Variants in FUT8 observed in about 807,000 individuals in gnomAD.
FUT8 encodes fucosyltransferase 8.
A neutral mutation model predicts 71.3 loss-of-function variants in FUT8; 29 were observed. The observed-to-expected ratio is 0.41, with a 90% CI of 0.30 to 0.55. The LOEUF (loss-of-function observed/expected upper bound fraction) is 0.55. FUT8 is among the 20% of genes least tolerant of loss of function. The pLI is 0.34. For missense variants in FUT8, 544 were observed against 702.1 expected (o/e 0.77, Z 2.55); for synonymous variants, 254 against 239.3 (o/e 1.06, Z -0.57).
Position 65,634,076 on chromosome 14 carries a change from A to G in FUT8, c.597+4470A>G, listed in dbSNP as rs1369112757. ...GTCTGGGAGGTGTACCCAACAGCTCATTGAGAACGGGCCATGATGACAATG... is the reference window on the plus strand; with the variant it reads ...GTCTGGGAGGTGTACCCAACAGCTCGTTGAGAACGGGCCATGATGACAATG... On this transcript the variant is annotated intron_variant, in intron 6 of 10. Transcript: ENST00000673929. Among the ~76,000 whole-genome samples the G allele has an allele frequency of 1.4e-4, 22 of 152,328 alleles. No individual in the cohort carries two copies. In the East Asian group the frequency reaches 4.2e-3, roughly 29 times the overall value.
chr14:65,537,639 G>T (rs921570785), intron 2 of FUT8, among the ~76,000 whole-genome samples: 1 of 152,148 alleles, frequency 6.6e-6, no homozygotes, highest in African/African-American at 2.4e-5. Context: ...CACCCACCTT[G>T]GCCTCCCAAA....
At chr14:65,361,337 CAA>C in the FUT8 span, among the ~76,000 whole-genome samples, 1 of 121,336 alleles carries the variant, frequency 8.2e-6, no homozygotes. Context: ...GCCTGGGCAA[CAA>C]GAGCAAAACT....
intron 5 of FUT8, among the ~76,000 whole-genome samples, chr14:65,618,542 A>G (rs1371964392): frequency 6.6e-6 from 1 of 152,222 alleles, no homozygotes; most frequent in Non-Finnish European, 1.5e-5. Flanking sequence ...AAGCCAGATT[A>G]GAATGCAGTA....
At chr14:65,512,016 A>T (rs1196014677) in intron 2 of FUT8, among the ~76,000 whole-genome samples, 1 of 151,944 alleles carries the variant, frequency 6.6e-6, no homozygotes, top group Admixed American at 6.6e-5. Context: ...ACAGCCTACT[A>T]CCCACCTGGG....
chr14:65,689,769 C>A (rs1484500952), intron 7 of FUT8, among the ~76,000 whole-genome samples: 1 of 152,218 alleles, frequency 6.6e-6, no homozygotes, highest in African/African-American at 2.4e-5. Context: ...GAACTCCTGA[C>A]CTCGTGATCC....
At chr14:65,523,596 A>G (rs1370766173) in intron 2 of FUT8, among the ~76,000 whole-genome samples, 2 of 152,134 alleles carry the variant, frequency 1.3e-5, no homozygotes, top group African/African-American at 4.8e-5. Context: ...CCATTTGTCA[A>G]TTTTGGCTTT....
Position 65,693,380 on chromosome 14 carries a change from G to A in FUT8, c.835+23900G>A, listed in dbSNP as rs1477446998. ...AAACCAGTCAGGCGTGGCGGCGCGC[G>A]CCTGCAATCGCAGGCACTCGGCAGG... On this transcript the variant is annotated intron_variant, in intron 7 of 10. Transcript: ENST00000673929. Among the ~76,000 whole-genome samples the A allele has an allele frequency of 1.6e-4, 24 of 152,334 alleles. 1 individual carries two copies. Among genetic ancestry groups the A allele is most frequent in the Admixed American group, 1.0e-3 (16 of 15,312 alleles).
the FUT8 span, among the ~76,000 whole-genome samples, chr14:65,368,518 T>C: frequency 1.5e-5 from 2 of 130,712 alleles, no homozygotes; most frequent in Non-Finnish European, 3.3e-5. Flanking sequence ...TTTTTTGTTG[T>C]TGTTGTTGTT....
the FUT8 span, among the ~76,000 whole-genome samples, chr14:65,381,461 T>C: frequency 4.6e-5 from 7 of 152,308 alleles, no homozygotes; most frequent in South Asian, 2.1e-4. Flanking sequence ...TCTGACAACA[T>C]TTGTCCTTGA....
intron 1 of FUT8, among the ~76,000 whole-genome samples, chr14:65,446,818 T>G (rs11158597): frequency 0.83 from 124,752 of 150,590 alleles, 51,941 homozygotes; most frequent in East Asian, 1. Context: ...TAAAGATAGG[T>G]TCTTTCTCTG....
chr14:65,672,779 G>T (rs1017339671), intron 7 of FUT8, among the ~76,000 whole-genome samples: 6 of 152,064 alleles, frequency 3.9e-5, no homozygotes, highest in Non-Finnish European at 5.9e-5. Context: ...TTATAATTTG[G>T]TTTTTTAAAG....
At chr14:65,554,198 C>G (rs936786039) in intron 2 of FUT8, among the ~76,000 whole-genome samples, 2 of 151,844 alleles carry the variant, frequency 1.3e-5, no homozygotes, top group African/African-American at 4.8e-5. Flanking sequence ...TCTGATAATT[C>G]TGTTGAAGAT....
chr14:65,522,782 C>T (rs564979686), intron 2 of FUT8, among the ~76,000 whole-genome samples: 59 of 134,380 alleles, frequency 4.4e-4, no homozygotes, highest in African/African-American at 1.4e-3. Flanking sequence ...TCCAAGTGTT[C>T]GCATTGTTCG....
At chr14:65,530,842 CCT>C (rs1465637678) in intron 2 of FUT8, among the ~76,000 whole-genome samples, 3 of 150,308 alleles carry the variant, frequency 2.0e-5, no homozygotes, top group African/African-American at 4.9e-5. Context: ...CCTCCCTCCC[CCT>C]CTCTTCCTCT....
chr14:65,437,224 C>T (rs1401437917), intron 1 of FUT8, among the ~76,000 whole-genome samples: 1 of 152,074 alleles, frequency 6.6e-6, no homozygotes, highest in African/African-American at 2.4e-5. Context: ...ACTGATTAGC[C>T]ACAGCTTTTT....
intron 1 of FUT8, among the ~76,000 whole-genome samples, chr14:65,415,682 CTTT>C (rs59874921): frequency 7.1e-5 from 10 of 141,076 alleles, no homozygotes; most frequent in Admixed American, 1.4e-4. Flanking sequence ...GATATAATTC[CTTT>C]TTTTTTTTTT....
chr14:65,615,861 G>C, intron 3 of FUT8, 117 bp from the exon 4 acceptor site: 1 of 675,288 alleles, frequency 1.5e-6, no homozygotes, highest in Non-Finnish European at 2.5e-6. Context: ...TACTACTTTT[G>C]TGCTATATGG....
chr14:65,435,390 T>G (rs1450431250), intron 1 of FUT8, among the ~76,000 whole-genome samples: 1 of 152,228 alleles, frequency 6.6e-6, no homozygotes, highest in Non-Finnish European at 1.5e-5. Flanking sequence ...TCAGCCTCTT[T>G]TACTTAGAAA....
intron 7 of FUT8, among the ~76,000 whole-genome samples, chr14:65,713,921 G>T (rs912614741): frequency 6.6e-6 from 1 of 152,156 alleles, no homozygotes; most frequent in African/African-American, 2.4e-5. Flanking sequence ...TGTTTATGTG[G>T]TATTACTCAA....
Sources: gnomAD v4.1 joint callset for allele counts (sites outside exome capture counted in the v4.1 genomes callset) on GRCh38, gnomAD v4.1.1 for gene constraint, MANE v1.5 for transcripts, NCBI Gene and HGNC (gene_info 2026-07-23, HGNC 2026-07-21) for gene names.